The following CACNA2D3 variants were observed in gnomAD, a reference collection of about 807,000 sequenced individuals.
CACNA2D3 encodes the protein voltage-dependent calcium channel subunit alpha-2/delta-3.
Under a neutral mutation model 160.6 loss-of-function variants are expected in CACNA2D3, and 60 were observed. That is an observed-to-expected ratio of 0.37 (90% CI 0.30 to 0.46). The LOEUF (loss-of-function observed/expected upper bound fraction) is 0.46, where lower values mean the gene tolerates loss of function less well. Ranked by LOEUF, CACNA2D3 falls within the 20% of genes least tolerant of loss-of-function variation. The pLI, the probability that CACNA2D3 is intolerant of heterozygous loss-of-function variation, is 1.00. For missense variants in CACNA2D3, 1,205 were observed against 1,365.0 expected (o/e 0.88, Z 1.85); for synonymous variants, 558 against 492.9 (o/e 1.13, Z -1.75).
chr3:54,643,558 A>G (rs932935063), intron 11 of CACNA2D3, among the ~76,000 whole-genome samples: 36 of 152,244 alleles, frequency 2.4e-4, no homozygotes, highest in Admixed American at 5.2e-4. Context: ...AATTTGATCA[A>G]CCATAAACAC....
At chr3:54,187,959 T>C (rs4345101) in intron 2 of CACNA2D3, among the ~76,000 whole-genome samples, 127,672 of 151,938 alleles carry the variant, frequency 0.84, 54,309 homozygotes, top group East Asian at 1. Flanking sequence ...AAGGATGACC[T>C]GATGTTTATC....
At chr3:54,316,969 T>A (rs557752052) in intron 2 of CACNA2D3, among the ~76,000 whole-genome samples, 1 of 152,372 alleles carries the variant, frequency 6.6e-6, no homozygotes, top group Non-Finnish European at 1.5e-5. Context: ...TAGATTACCT[T>A]AATTACAGAA....
chr3:54,648,993 T>G (rs1320159026), intron 11 of CACNA2D3, among the ~76,000 whole-genome samples: 2 of 152,148 alleles, frequency 1.3e-5, no homozygotes, highest in East Asian at 3.9e-4. Context: ...CCAACATTGG[T>G]GGTCAAATTC....
intron 3 of CACNA2D3, among the ~76,000 whole-genome samples, chr3:54,348,090 G>A (rs554696516): frequency 3.9e-5 from 6 of 152,320 alleles, no homozygotes; most frequent in African/African-American, 1.2e-4. Context: ...GTTCATTGGA[G>A]TGATGAGTTG....
At chr3:54,793,283 T>TG (rs1238231682) in intron 13 of CACNA2D3, among the ~76,000 whole-genome samples, 3 of 152,230 alleles carry the variant, frequency 2.0e-5, no homozygotes, top group Non-Finnish European at 1.5e-5. Context: ...CTGTGAGAAG[T>TG]GAAGTGAGAG....
chr3:54,802,633 C>CA (rs1703019116), intron 13 of CACNA2D3, among the ~76,000 whole-genome samples: 3 of 152,144 alleles, frequency 2.0e-5, no homozygotes. Context: ...GGGCAGGGCA[C>CA]AGACAAACAA....
chr3:54,807,292 C>T (rs1007371106), intron 13 of CACNA2D3, among the ~76,000 whole-genome samples: 21 of 152,092 alleles, frequency 1.4e-4, no homozygotes, highest in African/African-American at 2.7e-4. Context: ...AGAAAATTTT[C>T]GCAACCTTCT....
intron 24 of CACNA2D3, among the ~76,000 whole-genome samples, chr3:54,890,655 T>G (rs917536312): frequency 1.1e-4 from 17 of 152,270 alleles, no homozygotes; most frequent in African/African-American, 3.9e-4. Context: ...CAAAATGATA[T>G]TTAGTGAATT....
chr3:54,150,638 A>G (rs367628277), intron 2 of CACNA2D3, among the ~76,000 whole-genome samples: 27 of 152,278 alleles, frequency 1.8e-4, no homozygotes, highest in Non-Finnish European at 3.2e-4. Flanking sequence ...AATTACTACA[A>G]TTTAATTCCT....
intron 2 of CACNA2D3, among the ~76,000 whole-genome samples, chr3:54,284,757 A>G (rs938387548): frequency 2.9e-4 from 44 of 152,298 alleles, no homozygotes; most frequent in African/African-American, 1.0e-3. Context: ...AGGATCAGAG[A>G]CGGATATTCA....
At chr3:54,197,662 G>T (rs1170131704) in intron 2 of CACNA2D3, among the ~76,000 whole-genome samples, 1 of 152,160 alleles carries the variant, frequency 6.6e-6, no homozygotes, top group Admixed American at 6.5e-5. Flanking sequence ...TCTCACACTT[G>T]TTTAGGAACT....
intron 25 of CACNA2D3, 124 bp downstream of exon 25, chr3:54,891,574 A>G (rs1700070027): frequency 6.7e-6 from 5 of 748,588 alleles, no homozygotes; most frequent in African/African-American, 3.5e-5. Context: ...CCCCAGGCCT[A>G]TTGAGATTTT....
At chr3:54,214,025 A>G (rs904659297) in intron 2 of CACNA2D3, among the ~76,000 whole-genome samples, 1 of 152,140 alleles carries the variant, frequency 6.6e-6, no homozygotes, top group African/African-American at 2.4e-5. Flanking sequence ...AAGTGGAAAT[A>G]TGGGGATGCA....
chr3:54,755,092 A>G (rs528184175), intron 12 of CACNA2D3, among the ~76,000 whole-genome samples: 10 of 152,322 alleles, frequency 6.6e-5, no homozygotes, highest in East Asian at 1.9e-4. Context: ...ATGCCCATCC[A>G]TCCACGCAAC....
intron 11 of CACNA2D3, among the ~76,000 whole-genome samples, chr3:54,723,045 A>G (rs912639061): frequency 2.0e-5 from 3 of 152,214 alleles, no homozygotes; most frequent in African/African-American, 4.8e-5. Context: ...AGTTTTATCT[A>G]TAAGTCCCTG....
intron 12 of CACNA2D3, among the ~76,000 whole-genome samples, chr3:54,760,093 T>A (rs1048624879): frequency 1.3e-5 from 2 of 152,204 alleles, no homozygotes; most frequent in African/African-American, 2.4e-5. Flanking sequence ...GTGGGGATTT[T>A]TGAATCATTT....
At chr3:54,521,393 A>T (rs7432360) in intron 5 of CACNA2D3, among the ~76,000 whole-genome samples, 148,438 of 152,242 alleles carry the variant, frequency 0.98, 72,464 homozygotes, top group East Asian at 1. Context: ...TTAATCGGGT[A>T]GTCTTTTTAT....
At chr3:54,459,785 C>T (rs953448668) in intron 4 of CACNA2D3, among the ~76,000 whole-genome samples, 1 of 152,190 alleles carries the variant, frequency 6.6e-6, no homozygotes, top group Non-Finnish European at 1.5e-5. Context: ...AATTGTATCC[C>T]ATTTGTCAAT....
At chr3:54,355,371 G>T (rs1165050460) in intron 3 of CACNA2D3, among the ~76,000 whole-genome samples, 1 of 152,214 alleles carries the variant, frequency 6.6e-6, no homozygotes, top group African/African-American at 2.4e-5. Flanking sequence ...AGACTAGTCT[G>T]CAGGAGCTAG....
Sources: allele counts gnomAD v4.1 joint callset (sites outside exome capture counted in the v4.1 genomes callset), GRCh38; gene constraint gnomAD v4.1.1; transcripts MANE v1.5; gene names NCBI Gene and HGNC (gene_info 2026-07-23, HGNC 2026-07-21).